Variants in EPM2A observed in about 807,000 individuals in gnomAD.
The protein encoded by EPM2A is EPM2A glucan phosphatase, laforin, also known as laforin.
A neutral mutation model predicts 26.5 loss-of-function variants in EPM2A; 21 were observed. The observed-to-expected ratio is 0.79, with a 90% CI of 0.56 to 1.14. EPM2A has a LOEUF of 1.14. Among genes scored for constraint, EPM2A ranks in the 50% most tolerant of loss-of-function variants. The probability of loss-of-function intolerance (pLI) is 0.00; values close to 1 mark genes in which losing one functional copy is unlikely to be tolerated. For synonymous variants in EPM2A, 217 were observed against 177.6 expected (o/e 1.22, Z -1.76); for missense variants, 458 against 440.8 (o/e 1.04, Z -0.35).
chr6:145,536,517 G>A (rs1194779282), intron 2 of EPM2A, among the ~76,000 whole-genome samples: 12 of 151,730 alleles, frequency 7.9e-5, no homozygotes, highest in Admixed American at 3.3e-4. Flanking sequence ...GGTTGGTCTC[G>A]AACTCTTGAC....
At position 145,626,992 on chromosome 6, in the gene EPM2A, C is replaced by T. The variant is rs117044868; in HGVS notation, c.*424G>A. 128 of 1,082,166 alleles carry T rather than the reference C, an allele frequency of 1.2e-4. No individual in the cohort carries two copies. The highest frequency in any genetic ancestry group is 2.0e-4 in the African/African-American group (12 of 60,488). 67.0% of individuals were successfully genotyped at this position (1,082,166 alleles called of 1,614,324 possible). A position where few individuals can be genotyped will look rare whatever the true frequency, so the allele number is the denominator to read the frequency against. On this transcript the variant is annotated 3_prime_UTR_variant, in exon 4 of 4. Transcript: ENST00000367519. ...CCTCCTTTGGCAACTGACCAGCTCA[C>T]GCACACATACTAGTGATGAAATCCA...
chr6:145,696,469 AT>A (rs1781575686), intron 1 of EPM2A, among the ~76,000 whole-genome samples: 1 of 152,158 alleles, frequency 6.6e-6, no homozygotes, highest in African/African-American at 2.4e-5. Context: ...ATATGTGTTA[AT>A]TAGCTTGATT....
At chr6:145,466,932 G>A (rs151000641) in intron 4 of EPM2A, among the ~76,000 whole-genome samples, 1,879 of 152,222 alleles carry the variant, frequency 0.012, 39 homozygotes, top group African/African-American at 0.043. Context: ...TCATAGGTGG[G>A]AACTGAACAA....
intron 4 of EPM2A, among the ~76,000 whole-genome samples, chr6:145,385,222 T>C (rs1200725287): frequency 6.8e-6 from 1 of 147,394 alleles, no homozygotes; most frequent in Non-Finnish European, 1.5e-5. Context: ...AATGCCCTTT[T>C]TAAGGGAATT....
At chr6:145,496,760 T>C (rs1289614065), downstream of EPM2A, among the ~76,000 whole-genome samples, 2 of 146,184 alleles carry the variant, frequency 1.4e-5, no homozygotes, top group Admixed American at 6.9e-5. Context: ...AGACGGAGTC[T>C]CGCTCTGTCG....
At chr6:145,528,277 A>G (rs768944466) in intron 2 of EPM2A, among the ~76,000 whole-genome samples, 2 of 152,180 alleles carry the variant, frequency 1.3e-5, no homozygotes, top group Non-Finnish European at 2.9e-5. Context: ...ACATTAAACA[A>G]CAGATTTTCA....
intron 4 of EPM2A, among the ~76,000 whole-genome samples, chr6:145,396,825 A>C (rs1471428159): frequency 1.3e-5 from 2 of 152,210 alleles, no homozygotes; most frequent in Non-Finnish European, 2.9e-5. Context: ...AACAAGTCAC[A>C]GCTATGGTGG....
At chr6:145,461,565 T>A (rs765125769) in intron 4 of EPM2A, among the ~76,000 whole-genome samples, 1 of 152,126 alleles carries the variant, frequency 6.6e-6, no homozygotes, top group Non-Finnish European at 1.5e-5. Context: ...CAATACCATA[T>A]GTTGTGTACG....
chr6:145,480,417 T>C (rs189985902), intron 4 of EPM2A, among the ~76,000 whole-genome samples: 7 of 152,128 alleles, frequency 4.6e-5, no homozygotes, highest in African/African-American at 1.2e-4. Context: ...CCTTCCAACA[T>C]TGAGGATTAC....
intron 1 of EPM2A, among the ~76,000 whole-genome samples, chr6:145,726,099 T>C (rs1776191823): frequency 6.6e-6 from 1 of 151,924 alleles, no homozygotes; most frequent in African/African-American, 2.4e-5. Flanking sequence ...ACATAAAAGA[T>C]GATCTCAGAG....
At chr6:145,436,630 G>C (rs1294502775) in intron 4 of EPM2A, among the ~76,000 whole-genome samples, 1 of 152,018 alleles carries the variant, frequency 6.6e-6, no homozygotes, top group African/African-American at 2.4e-5. Flanking sequence ...TTGGCTGTTG[G>C]TATATTTTCT....
chr6:145,634,485 C>G (rs1184470892), intron 3 of EPM2A: 1 of 152,622 alleles, frequency 6.6e-6, no homozygotes, highest in East Asian at 1.9e-4. Context: ...CCTCCTCCAG[C>G]ACGGTCCTCA....
chr6:145,437,174 G>A (rs1013896186), intron 4 of EPM2A, among the ~76,000 whole-genome samples: 1 of 152,056 alleles, frequency 6.6e-6, no homozygotes, highest in Non-Finnish European at 1.5e-5. Context: ...TAGTGAGTGA[G>A]TTCTCATGAG....
At chr6:145,572,824 G>C (rs1235188068) in intron 2 of EPM2A, among the ~76,000 whole-genome samples, 1 of 152,164 alleles carries the variant, frequency 6.6e-6, no homozygotes, top group Non-Finnish European at 1.5e-5. Context: ...TCCTGTTCTG[G>C]AACCCACTCA....
At chr6:145,579,462 T>C (rs1226932422) in intron 2 of EPM2A, among the ~76,000 whole-genome samples, 1 of 152,212 alleles carries the variant, frequency 6.6e-6, no homozygotes, top group Admixed American at 6.5e-5. Flanking sequence ...GCCTGAAAAC[T>C]TTCTATGCTT....
At chr6:145,437,789 G>C (rs957466791) in intron 4 of EPM2A, among the ~76,000 whole-genome samples, 2 of 152,158 alleles carry the variant, frequency 1.3e-5, no homozygotes, top group African/African-American at 4.8e-5. Context: ...AATCTAATTT[G>C]TCAAGTATCA....
chr6:145,512,799 A>C (rs1247784145), intron 2 of EPM2A, among the ~76,000 whole-genome samples: 1 of 151,954 alleles, frequency 6.6e-6, no homozygotes, highest in African/African-American at 2.4e-5. Context: ...AAAACCAACA[A>C]AAATAAACAA....
chr6:145,582,972 A>G (rs1164561005), intron 2 of EPM2A, among the ~76,000 whole-genome samples: 1 of 152,154 alleles, frequency 6.6e-6, no homozygotes, highest in Non-Finnish European at 1.5e-5. Flanking sequence ...TTTCATTACA[A>G]CATTCTTACA....
In EPM2A at chr6:145,486,182, C is replaced by T. The variant is rs367671203; in HGVS notation, c.555+16340G>A. Among the ~76,000 whole-genome samples the T allele has an allele frequency of 6.9e-4, 105 of 152,216 alleles. 2 individuals are homozygous for T. In the South Asian group the frequency reaches 0.021, roughly 30 times the overall value. On this transcript the variant is annotated intron_variant, in intron 4 of 4. Transcript: ENST00000638717. ...AAATAGAACCTTCCAGAGGGGTTGC[C>T]CCAAAAGGTAAAGCTAAAGCTGCCA...
Sources: allele counts gnomAD v4.1 joint callset (sites outside exome capture counted in the v4.1 genomes callset), GRCh38; gene constraint gnomAD v4.1.1; transcripts MANE v1.5; gene names NCBI Gene and HGNC (gene_info 2026-07-23, HGNC 2026-07-21).